The following MCCC2 variants were observed in gnomAD, a reference collection of about 807,000 sequenced individuals.
The protein encoded by MCCC2 is methylcrotonyl-CoA carboxylase subunit 2, also known as methylcrotonoyl-CoA carboxylase beta chain, mitochondrial.
In MCCC2, 52 loss-of-function variants were observed where a neutral mutation model predicts 77.2. That is an observed-to-expected ratio of 0.67 (90% CI 0.54 to 0.85). The LOEUF is 0.85. MCCC2 is among the 40% of genes least tolerant of loss of function. MCCC2 has a pLI of 0.00. For missense variants in MCCC2, 682 were observed against 703.2 expected, an observed-to-expected ratio of 0.97 and a Z score of 0.34; for synonymous variants, 253 against 248.4, an observed-to-expected ratio of 1.02 and a Z score of -0.18.
intron 10 of MCCC2, among the ~76,000 whole-genome samples, chr5:71,639,894 G>T (rs576942774): frequency 9.9e-5 from 15 of 152,256 alleles, no homozygotes; most frequent in African/African-American, 3.6e-4. Context: ...TTTACTTGAT[G>T]GTGAGAAAGA....
chr5:71,641,068 A>G lies in MCCC2; in HGVS notation c.1065A>G (p.Leu355=). ...TCAAAGCCTTTTATGGAGACACATTAGTTACAGGTATAAAGGTGAAGAATT... is the reference window on the plus strand; with the variant it reads ...TCAAAGCCTTTTATGGAGACACATTGGTTACAGGTATAAAGGTGAAGAATT... ...TEFKAFYGDT[L]VTGFARIFGY... Residue 355 remains leucine (L), a synonymous_variant, in exon 11 of 17, where the codon TTA becomes TTG. Transcript: ENST00000340941. 1 of 1,613,386 alleles carries G rather than the reference A, an allele frequency of 6.2e-7. No individual in the cohort carries two copies. The highest frequency in any genetic ancestry group is 2.2e-5 in the East Asian group (1 of 44,862).
intron 6 of MCCC2, among the ~76,000 whole-genome samples, chr5:71,613,415 A>T (rs114003925): frequency 0.029 from 4,480 of 152,334 alleles, 98 homozygotes; most frequent in South Asian, 0.079. Flanking sequence ...AATAAGCAAT[A>T]CCTGCTTATG....
intron 6 of MCCC2, among the ~76,000 whole-genome samples, chr5:71,607,131 G>A (rs10077540): frequency 0.016 from 2,501 of 152,074 alleles, 41 homozygotes; most frequent in South Asian, 0.055. Context: ...CTACTGATTG[G>A]AATAGTTTCA....
In MCCC2 at chr5:71,596,286, G is replaced by T. The variant is rs1187203558; in HGVS notation, c.203G>T (p.Gly68Val). The change falls in exon 3 of 17, where the codon GGT (glycine) becomes GTT (valine). Residue 68 changes from glycine (G) to valine (V), a missense_variant. Gly to Val is a moderately radical substitution (Grantham distance 109). Transcript: ENST00000340941. ...AATCACATTTCTATCATAGGAGGTG[G>T]TGAGAAAGCCCGAGCACTTCACATA... ...ERVEHIKLGG[G>V]EKARALHISR... The T allele has an allele frequency of 5.6e-6, 9 of 1,613,900 alleles. No homozygotes were observed. Among genetic ancestry groups the T allele is most frequent in the South Asian group, 2.2e-5 (2 of 91,072 alleles).
At chr5:71,616,707 C>T (rs553479587) in intron 6 of MCCC2, among the ~76,000 whole-genome samples, 30 of 152,336 alleles carry the variant, frequency 2.0e-4, no homozygotes, top group Non-Finnish European at 3.4e-4. Flanking sequence ...GCTCTTTTCT[C>T]TGCATTTTCC....
intron 12 of MCCC2, 81 bp from the exon 13 acceptor site, chr5:71,646,130 G>A: frequency 8.2e-7 from 1 of 1,218,574 alleles, no homozygotes; most frequent in South Asian, 1.2e-5. Flanking sequence ...GTCTTTGGCT[G>A]AAGTTGTGGT....
intron 6 of MCCC2, among the ~76,000 whole-genome samples, chr5:71,609,259 G>C (rs909122078): frequency 1.2e-4 from 18 of 149,516 alleles, no homozygotes; most frequent in Non-Finnish European, 2.4e-4. Flanking sequence ...TGGAGGCTTT[G>C]CTCATTTCTT....
chr5:71,625,621 C>T (rs1161281065), intron 6 of MCCC2, among the ~76,000 whole-genome samples: 1 of 152,186 alleles, frequency 6.6e-6, no homozygotes, highest in East Asian at 1.9e-4. Flanking sequence ...ACACAAACTT[C>T]TGGGTGATTG....
rs961686620 is a variant in MCCC2, at chr5:71,634,270, C to T, written c.804-673C>T. On this transcript the variant is annotated intron_variant, in intron 8 of 16. Transcript: ENST00000340941. ...ACAGGACTAATAACCAGAGCAAGCC[C>T]GTACTTCATTCACTGCACTTGAAAT... 4.6e-5 allele frequency among the ~76,000 whole-genome samples: 7 copies of T among 152,322 alleles called. No individual in the cohort carries two copies. In the South Asian group the frequency reaches 1.2e-3, roughly 27 times the overall value.
At chr5:71,593,977 C>T (rs1209546754) in intron 2 of MCCC2, among the ~76,000 whole-genome samples, 4 of 152,192 alleles carry the variant, frequency 2.6e-5, no homozygotes, top group African/African-American at 9.6e-5. Flanking sequence ...CTCTGTTGCT[C>T]GGGCTGGACT....
intron 16 of MCCC2, among the ~76,000 whole-genome samples, chr5:71,654,114 C>T (rs553529253): frequency 2.6e-5 from 4 of 152,262 alleles, no homozygotes; most frequent in Non-Finnish European, 4.4e-5. Context: ...CCTCTTGCGT[C>T]GGCCTCCAAA....
intron 10 of MCCC2, among the ~76,000 whole-genome samples, chr5:71,639,527 T>C (rs375724632): frequency 7.4e-4 from 113 of 152,362 alleles, no homozygotes; most frequent in African/African-American, 2.5e-3. Flanking sequence ...GGGAATGTTG[T>C]GCCTGGCTTG....
chr5:71,614,448 G>A (rs541056162), intron 6 of MCCC2, among the ~76,000 whole-genome samples: 2 of 151,462 alleles, frequency 1.3e-5, no homozygotes, highest in African/African-American at 2.4e-5. Context: ...AAGATCTAAC[G>A]TGGCCAGCAT....
Position 71,656,759 on chromosome 5 carries a change from A to T in MCCC2, c.1591A>T (p.Ile531Phe), listed in dbSNP as rs1346294056. The stretch of plus-strand genomic sequence containing the variant: ...TTTTGTCAGGGTATGGGATGATGGG[A>T]TCATTGATCCAGCAGACACCAGACT... Reference protein sequence around the residue: ...YSSARVWDDGIIDPADTRLVL... With the variant: ...YSSARVWDDGFIDPADTRLVL... Residue 531 changes from isoleucine (I) to phenylalanine (F), a missense_variant, in exon 17 of 17, where the codon ATC (isoleucine) becomes TTC (phenylalanine). Ile to Phe is a conservative substitution (Grantham distance 21). Coordinates refer to ENST00000340941, the MANE Select transcript of MCCC2 (RefSeq NM_022132.5). The T allele has an allele frequency of 1.9e-6, 3 of 1,613,874 alleles. No homozygotes were observed. Among genetic ancestry groups the T allele is most frequent in the Non-Finnish European group, 1.7e-6 (2 of 1,179,828 alleles).
intron 2 of MCCC2, 146 bp from the exon 3 acceptor site, chr5:71,596,134 T>C: frequency 2.7e-6 from 2 of 741,352 alleles, no homozygotes; most frequent in South Asian, 3.2e-5. Context: ...AACTTGTAAG[T>C]TGAGTGAATG....
At chr5:71,633,009 T>C (rs897376354) in intron 8 of MCCC2, among the ~76,000 whole-genome samples, 52 of 150,512 alleles carry the variant, frequency 3.5e-4, no homozygotes, top group Non-Finnish European at 6.2e-4. Flanking sequence ...TTTGTCATCA[T>C]AGTTGCTCAA....
chr5:71,635,192 T>C lies in MCCC2; in HGVS notation c.945T>C (p.Asp315=). The stretch of plus-strand genomic sequence containing the variant: ...CTGAAGAGCCTTTATTTCCTGCTGA[T>C]GAATTGTATGGAATAGTTGGTGCTA... ...EPSEEPLFPA[D]ELYGIVGANL... is the part of the protein sequence containing the mutation. The change falls in exon 10 of 17, where the codon GAT becomes GAC. Residue 315 remains aspartate, a synonymous_variant. Coordinates refer to ENST00000340941, the MANE Select transcript of MCCC2 (RefSeq NM_022132.5). The C allele has an allele frequency of 6.2e-7, 1 of 1,614,136 alleles. No homozygotes were observed. The highest frequency in any genetic ancestry group is 8.5e-7 in the Non-Finnish European group (1 of 1,179,998).
intron 3 of MCCC2, among the ~76,000 whole-genome samples, chr5:71,597,094 G>A (rs1371273462): frequency 6.6e-6 from 1 of 152,092 alleles, no homozygotes; most frequent in Non-Finnish European, 1.5e-5. Flanking sequence ...AGAAGGTGAT[G>A]TCTGAGCAAA....
At chr5:71,637,646 C>T (rs977803940) in intron 10 of MCCC2, among the ~76,000 whole-genome samples, 3 of 152,164 alleles carry the variant, frequency 2.0e-5, no homozygotes, top group African/African-American at 4.8e-5. Context: ...AAGTCTGCCA[C>T]ACTGACTGAC....
Sources: allele counts gnomAD v4.1 joint callset (sites outside exome capture counted in the v4.1 genomes callset), GRCh38; gene constraint gnomAD v4.1.1; transcripts MANE v1.5; gene names NCBI Gene and HGNC (gene_info 2026-07-23, HGNC 2026-07-21).